Variants in ARL6 observed in about 807,000 individuals in gnomAD.
ARL6 encodes ARF like GTPase 6.
Under a neutral mutation model 27.1 loss-of-function variants are expected in ARL6, and 18 were observed. The ratio of observed to expected loss-of-function variants is 0.66; its 90% CI spans 0.46 to 0.98. ARL6 has a LOEUF of 0.98. Among genes scored for constraint, ARL6 ranks in the 50% least tolerant of loss-of-function variants. The pLI, the probability that ARL6 is intolerant of heterozygous loss-of-function variation, is 0.00. For missense variants in ARL6, 187 were observed against 214.9 expected, an observed-to-expected ratio of 0.87 and a Z score of 0.81; for synonymous variants, 65 against 72.3, an observed-to-expected ratio of 0.90 and a Z score of 0.51.
intron 4 of ARL6, 152 bp downstream of exon 4, chr3:97,780,835 A>C: frequency 1.5e-6 from 1 of 673,594 alleles, no homozygotes; most frequent in Non-Finnish European, 2.6e-6. Flanking sequence ...AATGAGACTC[A>C]ACATTGTTTG....
intron 4 of ARL6, 42 bp from the exon 5 acceptor site, chr3:97,784,913 A>T: frequency 1.4e-6 from 2 of 1,454,290 alleles, no homozygotes; most frequent in Non-Finnish European, 1.9e-6. Flanking sequence ...GGAAAAATTT[A>T]TAAGTAAAGC....
intron 6 of ARL6, chr3:97,791,215 T>C (rs1361332114): frequency 6.5e-6 from 1 of 153,816 alleles, no homozygotes; most frequent in African/African-American, 2.4e-5. Flanking sequence ...ACTTTACAGA[T>C]GCTAAAACTG....
chr3:97,789,938 TTA>T (rs1333173842), intron 6 of ARL6, among the ~76,000 whole-genome samples: 2 of 152,030 alleles, frequency 1.3e-5, no homozygotes, highest in Admixed American at 6.6e-5. Context: ...AAGAAAAATT[TTA>T]TGTTTTATGT....
chr3:97,788,211 T>C (rs2037553314), intron 6 of ARL6, 92 bp downstream of exon 6: 2 of 1,317,920 alleles, frequency 1.5e-6, no homozygotes, highest in South Asian at 2.5e-5. Flanking sequence ...TAAAAATAAG[T>C]GATCAAACAT....
rs2038124018 is a variant in ARL6, at chr3:97,798,868, G to A, written c.*819G>A. On this transcript the variant is annotated 3_prime_UTR_variant, in exon 8 of 8. Coordinates refer to ENST00000463745, the MANE Select transcript of ARL6 (RefSeq NM_001278293.3). The stretch of plus-strand genomic sequence containing the variant: ...AGAGGTATAAAGTAAATTAATATTT[G>A]ACTGTTCAGTAATCATTACTGACAT... 6.6e-6 allele frequency: 1 copy of A among 151,976 alleles called. No individual in the cohort carries two copies. The allele number at this position is 151,976 out of a possible 1,614,324, so 9.4% of individuals were successfully genotyped here.
chr3:97,773,202 T>G (rs1470961577), intron 2 of ARL6, among the ~76,000 whole-genome samples: 3 of 152,118 alleles, frequency 2.0e-5, no homozygotes, highest in Non-Finnish European at 1.5e-5. Context: ...AGTCCGATGT[T>G]CAAGGACAGG....
At position 97,766,055 on chromosome 3, in the gene ARL6, AT is replaced by A. The variant is rs1485969246; in HGVS notation, c.-28+1079del. 10 of 152,338 alleles carry A rather than the reference AT, an allele frequency of 6.6e-5. No homozygotes were observed. In the East Asian group the frequency reaches 1.9e-3, roughly 29 times the overall value. 9.4% of individuals were successfully genotyped at this position (152,338 alleles called of 1,614,324 possible). A position where few individuals can be genotyped will look rare whatever the true frequency, so the allele number is the denominator to read the frequency against. On this transcript the variant is annotated intron_variant, in intron 1 of 7. Transcript: ENST00000463745. ...TTTCATTAACAAGTATCAAGTGATA[AT>A]CCATGGAAAAGTGATGGAAAGTCAC...
chr3:97,787,709 G>C (rs1285155930), intron 5 of ARL6, among the ~76,000 whole-genome samples: 1 of 151,886 alleles, frequency 6.6e-6, no homozygotes, highest in Non-Finnish European at 1.5e-5. Context: ...TTTTTTGTAG[G>C]TACTTCTCTG....
intron 4 of ARL6, 31 bp downstream of exon 4, chr3:97,780,714 G>C: frequency 6.5e-7 from 1 of 1,527,812 alleles, no homozygotes; most frequent in Non-Finnish European, 9.1e-7. Flanking sequence ...TGCTTAACTA[G>C]ATGGTTTTTA....
intron 3 of ARL6, 85 bp downstream of exon 3, chr3:97,780,305 ATAAAG>A: frequency 9.3e-7 from 1 of 1,073,968 alleles, no homozygotes; most frequent in East Asian, 2.4e-5. Flanking sequence ...CTACCCTTAG[ATAAAG>A]TAATTTGTTG....
intron 6 of ARL6, 136 bp downstream of exon 6, chr3:97,788,255 A>C (rs759511964): frequency 3.4e-5 from 33 of 983,598 alleles, no homozygotes; most frequent in Non-Finnish European, 4.6e-5. Context: ...TGTTTTGTAG[A>C]ATTGTGGCAT....
intron 2 of ARL6, among the ~76,000 whole-genome samples, chr3:97,775,146 A>C (rs975329196): frequency 3.6e-4 from 55 of 152,160 alleles, no homozygotes; most frequent in African/African-American, 1.3e-3. Flanking sequence ...CCCCAAAACC[A>C]ATGAAAGAAC....
intron 4 of ARL6, among the ~76,000 whole-genome samples, chr3:97,783,079 A>G (rs115121515): frequency 2.0e-5 from 3 of 151,062 alleles, no homozygotes; most frequent in African/African-American, 7.3e-5. Context: ...ATTTTTACAT[A>G]CTATTTTTAC....
At chr3:97,776,916 C>T (rs923931215) in intron 2 of ARL6, among the ~76,000 whole-genome samples, 10 of 152,230 alleles carry the variant, frequency 6.6e-5, no homozygotes, top group Non-Finnish European at 1.3e-4. Context: ...GCCTTGCCCT[C>T]CCAAAGTGCT....
rs556053033 is a variant in ARL6 at position 97,796,198 on chromosome 3, C to T, written c.536-1826C>T. On this transcript the variant is annotated intron_variant, in intron 7 of 7. Transcript: ENST00000463745. ...TATGAAATATGGGAATGTGCACAAA[C>T]AAGAAAAGTGGGTTCGAGTAAGTAG... is the stretch of plus-strand genomic sequence containing the variant. 6.4e-4 allele frequency among the ~76,000 whole-genome samples: 97 copies of T among 151,940 alleles called. No individual in the cohort carries two copies. In the Middle Eastern group the frequency reaches 0.01, roughly 16 times the overall value.
intron 7 of ARL6, among the ~76,000 whole-genome samples, chr3:97,796,256 T>A (rs1221052771): frequency 6.6e-6 from 1 of 152,006 alleles, no homozygotes; most frequent in Non-Finnish European, 1.5e-5. Flanking sequence ...CAAAAAACTG[T>A]TAAAGAGTAT....
At chr3:97,791,015 C>G (rs147977416) in intron 6 of ARL6, among the ~76,000 whole-genome samples, 1 of 151,956 alleles carries the variant, frequency 6.6e-6, no homozygotes, top group African/African-American at 2.4e-5. Context: ...CTCTAAAAAT[C>G]CTCTGCATTT....
chr3:97,779,960 C>T (rs545903286), intron 2 of ARL6, among the ~76,000 whole-genome samples, 199 bp from the exon 3 acceptor site: 14 of 152,052 alleles, frequency 9.2e-5, no homozygotes, highest in Middle Eastern at 3.4e-3. Context: ...TAATATTATG[C>T]AGATTCATAA....
intron 1 of ARL6, among the ~76,000 whole-genome samples, 172 bp downstream of exon 1, chr3:97,765,149 G>C (rs2036307422): frequency 6.6e-6 from 1 of 151,634 alleles, no homozygotes; most frequent in South Asian, 2.1e-4. Context: ...TTACTAAACT[G>C]GTTTGGACGT....
Sources: gnomAD v4.1 joint callset for allele counts (sites outside exome capture counted in the v4.1 genomes callset) on GRCh38, gnomAD v4.1.1 for gene constraint, MANE v1.5 for transcripts, NCBI Gene and HGNC (gene_info 2026-07-23, HGNC 2026-07-21) for gene names.